Variants in MPP7 observed in about 807,000 individuals in gnomAD.
The protein encoded by MPP7 is MAGUK p55 subfamily member 7.
Under a neutral mutation model 76.5 loss-of-function variants are expected in MPP7, and 60 were observed. The observed-to-expected ratio is 0.78, with a 90% CI of 0.64 to 0.97. MPP7 has a LOEUF of 0.97. MPP7 is among the 50% of genes least tolerant of loss of function. The pLI is 0.00. For missense variants in MPP7, 641 were observed against 694.0 expected, an observed-to-expected ratio of 0.92 and a Z score of 0.86; for synonymous variants, 237 against 244.5, an observed-to-expected ratio of 0.97 and a Z score of 0.29.
intron 1 of MPP7, among the ~76,000 whole-genome samples, chr10:28,281,138 G>T (rs954166629): frequency 3.3e-5 from 5 of 151,618 alleles, no homozygotes; most frequent in Non-Finnish European, 7.4e-5. Context: ...GGAATGCAGT[G>T]GTGCAATCTC....
intron 1 of MPP7, among the ~76,000 whole-genome samples, chr10:28,270,032 A>C (rs1328858557): frequency 1.3e-5 from 2 of 152,228 alleles, no homozygotes; most frequent in South Asian, 4.1e-4. Flanking sequence ...AGAATCCCCT[A>C]GGCCTCTGGG....
At chr10:28,179,105 C>T (rs964433658) in intron 3 of MPP7, among the ~76,000 whole-genome samples, 3 of 152,124 alleles carry the variant, frequency 2.0e-5, no homozygotes, top group Non-Finnish European at 2.9e-5. Context: ...ACCATTACAA[C>T]GACTGGGGTG....
rs537760399 is a variant in MPP7, at chr10:28,287,528, T to C, written c.-132+15333A>G. ...ATTGGTCTTTCTTTCATTTTGGATC[T>C]TTCTTATTCATGCATGATTTGGAAA... On this transcript the variant is annotated intron_variant, in intron 1 of 16. Transcript: ENST00000683449. Among the ~76,000 whole-genome samples the C allele has an allele frequency of 6.6e-5, 10 of 152,326 alleles. No homozygotes were observed. The South Asian group carries it at 2.1e-3, about 32-fold the overall frequency.
intron 6 of MPP7, among the ~76,000 whole-genome samples, chr10:28,129,587 CAA>C (rs34101738): frequency 3.7e-5 from 4 of 109,148 alleles, no homozygotes; most frequent in Admixed American, 9.8e-5. Flanking sequence ...GACTCCGTCT[CAA>C]AAAAAAAAAA....
chr10:28,112,644 G>GGGAA (rs1554836966), intron 11 of MPP7, among the ~76,000 whole-genome samples: 7 of 152,022 alleles, frequency 4.6e-5, no homozygotes, highest in Admixed American at 1.3e-4. Context: ...AGTAAGAAAA[G>GGGAA]GAAACAGAAT....
chr10:28,187,469 A>G (rs1329541520), intron 3 of MPP7, among the ~76,000 whole-genome samples: 2 of 152,200 alleles, frequency 1.3e-5, no homozygotes, highest in Admixed American at 6.5e-5. Context: ...CTGCTACCCA[A>G]GTCTCCGCTC....
chr10:28,218,833 A>T (rs1235546971), intron 2 of MPP7, among the ~76,000 whole-genome samples: 2 of 152,238 alleles, frequency 1.3e-5, no homozygotes, highest in Non-Finnish European at 2.9e-5. Context: ...TACTTATTTT[A>T]AATACCCAGC....
chr10:28,234,519 T>C (rs1839002744), intron 2 of MPP7, among the ~76,000 whole-genome samples: 1 of 152,180 alleles, frequency 6.6e-6, no homozygotes, highest in South Asian at 2.1e-4. Context: ...AGAGTAATCT[T>C]ACAGTGGGGA....
chr10:28,143,581 C>CGTGTGCTCTG (rs765475349), intron 5 of MPP7, among the ~76,000 whole-genome samples: 2 of 151,682 alleles, frequency 1.3e-5, no homozygotes, highest in Non-Finnish European at 2.9e-5. Context: ...GTATTCCTAT[C>CGTGTGCTCTG]TTTGTGGATC....
At chr10:28,071,829 A>C (rs1852254890) in intron 12 of MPP7, among the ~76,000 whole-genome samples, 1 of 152,198 alleles carries the variant, frequency 6.6e-6, no homozygotes, top group African/African-American at 2.4e-5. Flanking sequence ...CCAGTGGTAC[A>C]TGTAAATCCA....
chr10:28,088,646 A>T (rs766072772), intron 12 of MPP7, among the ~76,000 whole-genome samples: 1 of 152,176 alleles, frequency 6.6e-6, no homozygotes, highest in Non-Finnish European at 1.5e-5. Context: ...ATGTACTAAC[A>T]CTAAGAGACA....
intron 11 of MPP7, among the ~76,000 whole-genome samples, chr10:28,099,985 T>A (rs948039987): frequency 1.1e-4 from 17 of 151,964 alleles, no homozygotes; most frequent in African/African-American, 3.1e-4. Flanking sequence ...GAAGATTTTT[T>A]AAAATCATTG....
In MPP7 at chr10:28,053,924, T is replaced by C; in HGVS notation, c.*141A>G. ...CGTTTGAAATAAGGCTGTAAAAAGA[T>C]ACAAACAAAACCAGCATTCAACTTG... On this transcript the variant is annotated 3_prime_UTR_variant, in exon 17 of 17. Transcript: ENST00000683449. 4.4e-6 allele frequency: 3 copies of C among 686,258 alleles called. No individual in the cohort carries two copies. The highest frequency in any genetic ancestry group is 7.5e-6 in the Non-Finnish European group (3 of 397,736). 42.5% of individuals were successfully genotyped at this position (686,258 alleles called of 1,614,324 possible).
intron 3 of MPP7, among the ~76,000 whole-genome samples, chr10:28,178,094 A>C (rs1372429805): frequency 1.3e-5 from 2 of 152,112 alleles, no homozygotes; most frequent in Non-Finnish European, 2.9e-5. Flanking sequence ...AAGTTCTGGC[A>C]CTACTGACAT....
At chr10:28,225,994 AC>A (rs1000111011) in intron 2 of MPP7, among the ~76,000 whole-genome samples, 2 of 152,204 alleles carry the variant, frequency 1.3e-5, no homozygotes, top group African/African-American at 4.8e-5. Context: ...TCACATGTCC[AC>A]CAACTGATAA....
At chr10:28,280,833 G>C (rs1840647387) in intron 1 of MPP7, among the ~76,000 whole-genome samples, 1 of 152,026 alleles carries the variant, frequency 6.6e-6, no homozygotes, top group Non-Finnish European at 1.5e-5. Context: ...TGTCCCATGA[G>C]AGACAAATGG....
At chr10:28,324,974 C>A (rs1217336815) in intron 2 of MPP7, among the ~76,000 whole-genome samples, 3 of 152,200 alleles carry the variant, frequency 2.0e-5, no homozygotes, top group Non-Finnish European at 2.9e-5. Flanking sequence ...CTCGCTGCAG[C>A]CTTGACCTCC....
chr10:28,170,992 A>T (rs1270126582), intron 3 of MPP7, among the ~76,000 whole-genome samples: 1 of 152,238 alleles, frequency 6.6e-6, no homozygotes, highest in Non-Finnish European at 1.5e-5. Context: ...CGCTCTGAGG[A>T]ATAGCTTTAT....
upstream of MPP7, among the ~76,000 whole-genome samples, chr10:28,304,145 G>A (rs2133165425): frequency 6.6e-6 from 1 of 152,224 alleles, no homozygotes; most frequent in Non-Finnish European, 1.5e-5. Context: ...GAGAGGAAGG[G>A]GATTGAGATA....
Sources: gnomAD v4.1 joint callset for allele counts (sites outside exome capture counted in the v4.1 genomes callset) on GRCh38, gnomAD v4.1.1 for gene constraint, MANE v1.5 for transcripts, NCBI Gene and HGNC (gene_info 2026-07-23, HGNC 2026-07-21) for gene names.